Variants in ABCC6 observed in about 807,000 individuals in gnomAD.
The protein encoded by ABCC6 is ATP binding cassette subfamily C member 6, also known as ATP-binding cassette sub-family C member 6.
ABCC6 carries 126 observed loss-of-function variants against 169.5 expected under a neutral mutation model. The ratio of observed to expected loss-of-function variants is 0.74; its 90% CI spans 0.64 to 0.86. The LOEUF is 0.86. Ranked by LOEUF, ABCC6 falls within the 40% of genes least tolerant of loss-of-function variation. The pLI, the probability that ABCC6 is intolerant of heterozygous loss-of-function variation, is 0.00. For missense variants in ABCC6, 1,733 were observed against 1,927.2 expected (o/e 0.90, Z 1.89); for synonymous variants, 752 against 814.7 (o/e 0.92, Z 1.31).
chr16:16,180,261 G>A (rs1013850606), intron 17 of ABCC6, among the ~76,000 whole-genome samples: 1 of 152,214 alleles, frequency 6.6e-6, no homozygotes, highest in Non-Finnish European at 1.5e-5. Flanking sequence ...TGGCCCGGGG[G>A]TTGGGGACCC....
chr16:16,152,742 G>A (rs1264660372), intron 29 of ABCC6, among the ~76,000 whole-genome samples: 1 of 146,024 alleles, frequency 6.8e-6, no homozygotes, highest in Non-Finnish European at 1.5e-5. Flanking sequence ...GGTGTGGGGT[G>A]GGGGGCCTGG....
chr16:16,221,893 C>T (rs2049088145), intron 1 of ABCC6, 62 bp from the exon 2 acceptor site: 2 of 1,611,746 alleles, frequency 1.2e-6, no homozygotes, highest in East Asian at 2.2e-5. Flanking sequence ...GCTCACCTGC[C>T]CAGGGGGCCA....
intron 23 of ABCC6, among the ~76,000 whole-genome samples, chr16:16,164,469 C>T (rs1437738551): frequency 3.3e-5 from 5 of 152,138 alleles, no homozygotes; most frequent in Non-Finnish European, 7.4e-5. Context: ...TCAGAATCTA[C>T]TATCCATTCA....
At chr16:16,171,915 G>GATGGATCGATAAATGAA in intron 21 of ABCC6, among the ~76,000 whole-genome samples, 26 of 20,438 alleles carry the variant, frequency 1.3e-3, no homozygotes, top group African/African-American at 4.6e-3. Flanking sequence ...GAATGGGTGG[G>GATGGATCGATAAATGAA]TGGGTGGGTG....
rs72547524 is a variant in ABCC6, at chr16:16,150,606, G to A, written c.4375C>T (p.Arg1459Cys). Residue 1459 changes from arginine (R) to cysteine (C), a missense_variant, in exon 30 of 31, where the codon CGC (arginine) becomes TGC (cysteine). By Grantham distance (180) the Arg-to-Cys change is radical. Around this residue, in one of 5 missense-constraint regions of ABCC6, gnomAD observed 1,601 missense variants for 1,635.5 expected, o/e 0.98. Coordinates refer to ENST00000205557, the MANE Select transcript of ABCC6 (RefSeq NM_001171.6). ...GCACAGTCCATCACGGAGCGCAGGC[G>A]GTGGGCAATGAGCAGCACAGTGCAC... is the stretch of plus-strand genomic sequence containing the variant. Reference protein sequence around the residue: ...AQCTVLLIAHRLRSVMDCARV... With the variant: ...AQCTVLLIAHCLRSVMDCARV... The A allele has an allele frequency of 4.0e-5, 65 of 1,612,572 alleles. No homozygotes were observed. Among genetic ancestry groups the A allele is most frequent in the Non-Finnish European group, 5.0e-5 (59 of 1,179,258 alleles).
chr16:16,170,044 A>G (rs1175102634), intron 21 of ABCC6, among the ~76,000 whole-genome samples, 191 bp from the exon 22 acceptor site: 2 of 151,438 alleles, frequency 1.3e-5, no homozygotes, highest in African/African-American at 2.4e-5. Flanking sequence ...CCAGCCTTAG[A>G]ACCCCCATCT....
At chr16:16,183,012 G>GAGCTTTC in intron 15 of ABCC6, 82 bp from the exon 16 acceptor site, 2 of 1,607,382 alleles carry the variant, frequency 1.2e-6, no homozygotes, top group Non-Finnish European at 1.7e-6. Context: ...AGACGGAGCT[G>GAGCTTTC]AGCTTTCCTG....
At chr16:16,209,924 T>G (rs934525120) in intron 6 of ABCC6, among the ~76,000 whole-genome samples, 2 of 151,872 alleles carry the variant, frequency 1.3e-5, no homozygotes, top group Non-Finnish European at 1.5e-5. Context: ...AGAGATGGGA[T>G]TTCGCCATGT....
At chr16:16,150,547 C>T (rs2152207233) in intron 30 of ABCC6, 31 bp downstream of exon 30, 1 of 1,600,356 alleles carries the variant, frequency 6.2e-7, no homozygotes, top group African/African-American at 1.3e-5. Flanking sequence ...TGCAGGGCTG[C>T]TGTGAGGTCA....
intron 25 of ABCC6, among the ~76,000 whole-genome samples, chr16:16,160,795 A>T (rs1007382479): frequency 5.9e-5 from 9 of 152,082 alleles, no homozygotes; most frequent in Middle Eastern, 3.2e-3. Flanking sequence ...ACAAAATGAG[A>T]TCCTGTCTCA....
At chr16:16,185,767 G>A (rs1358374707) in intron 14 of ABCC6, among the ~76,000 whole-genome samples, 4 of 134,496 alleles carry the variant, frequency 3.0e-5, no homozygotes, top group African/African-American at 2.5e-5. Flanking sequence ...CCTGGATGAC[G>A]GAGTAAGACT....
intron 1 of ABCC6, among the ~76,000 whole-genome samples, chr16:16,222,290 G>A (rs1399015308): frequency 6.6e-6 from 1 of 152,200 alleles, no homozygotes; most frequent in Non-Finnish European, 1.5e-5. Flanking sequence ...CAAATGGGAA[G>A]TGGCAAAGCT....
intron 10 of ABCC6, among the ~76,000 whole-genome samples, chr16:16,196,584 A>G (rs1225329226): frequency 2.0e-5 from 3 of 152,196 alleles, no homozygotes; most frequent in Non-Finnish European, 4.4e-5. Context: ...CACGTTGGAG[A>G]CAAGAACAGG....
At chr16:16,201,967 C>T (rs1326413173) in intron 9 of ABCC6, 34 bp downstream of exon 9, 5 of 1,613,592 alleles carry the variant, frequency 3.1e-6, no homozygotes, top group Non-Finnish European at 4.2e-6. Context: ...CTTTTCCTGG[C>T]TGGGAAGACC....
At chr16:16,155,228 C>CTCTA (rs1166956710) in intron 27 of ABCC6, 197 bp from the exon 28 acceptor site, 1 of 655,186 alleles carries the variant, frequency 1.5e-6, no homozygotes, top group African/African-American at 1.8e-5. Flanking sequence ...CTGTGTTCTT[C>CTCTA]TCTATCTTTC....
intron 17 of ABCC6, among the ~76,000 whole-genome samples, 163 bp downstream of exon 17, chr16:16,182,249 T>G (rs1385244882): frequency 6.6e-6 from 1 of 152,176 alleles, no homozygotes; most frequent in African/African-American, 2.4e-5. Context: ...GATTACGTAT[T>G]GAGCACCTAG....
chr16:16,176,857 C>T (rs2047294866), intron 19 of ABCC6, among the ~76,000 whole-genome samples: 1 of 152,226 alleles, frequency 6.6e-6, no homozygotes, highest in South Asian at 2.1e-4. Context: ...GTACCAGCCT[C>T]ACAGGGGCAT....
intron 10 of ABCC6, among the ~76,000 whole-genome samples, chr16:16,194,154 G>A (rs2047957974): frequency 6.6e-6 from 1 of 152,206 alleles, no homozygotes; most frequent in Non-Finnish European, 1.5e-5. Flanking sequence ...GTGGCCTTGG[G>A]GCAAGTCATC....
At chr16:16,193,949 A>G (rs2047950684) in intron 10 of ABCC6, among the ~76,000 whole-genome samples, 1 of 152,178 alleles carries the variant, frequency 6.6e-6, no homozygotes, top group Non-Finnish European at 1.5e-5. Flanking sequence ...GTGTCAGGAG[A>G]TGCCTGCTGA....
Sources: gnomAD v4.1 joint callset for allele counts (sites outside exome capture counted in the v4.1 genomes callset) on GRCh38, gnomAD v4.1.1 for gene constraint, gnomAD v4.1.1 regional missense constraint, MANE v1.5 for transcripts, NCBI Gene and HGNC (gene_info 2026-07-23, HGNC 2026-07-21) for gene names.